NPAS3: variants seen among roughly 807,000 people sequenced by gnomAD.
NPAS3 encodes neuronal PAS domain protein 3.
In NPAS3, 14 loss-of-function variants were observed where a neutral mutation model predicts 73.1. The ratio of observed to expected loss-of-function variants is 0.19; its 90% CI spans 0.13 to 0.30. The LOEUF is 0.30. Among genes scored for constraint, NPAS3 ranks in the 10% least tolerant of loss-of-function variants. The pLI is 1.00. For synonymous variants in NPAS3, 620 were observed against 541.5 expected, an observed-to-expected ratio of 1.14 and a Z score of -2.01; for missense variants, 1,096 against 1,250.0, an observed-to-expected ratio of 0.88 and a Z score of 1.86.
At chr14:33,641,329 C>T (rs1355645861) in intron 5 of NPAS3, among the ~76,000 whole-genome samples, 1 of 152,110 alleles carries the variant, frequency 6.6e-6, no homozygotes, top group Non-Finnish European at 1.5e-5. Context: ...CATTGCTTTA[C>T]TTCTAGTTGA....
At chr14:33,488,760 C>T (rs1314000020) in intron 4 of NPAS3, among the ~76,000 whole-genome samples, 1 of 152,120 alleles carries the variant, frequency 6.6e-6, no homozygotes, top group Admixed American at 6.5e-5. Context: ...TGGCACAGTT[C>T]TGGGTGTGCA....
chr14:33,563,537 C>CACACACAGAGAGAGAGAG lies in NPAS3; in HGVS notation c.558+3328_558+3329insCACACAGAGAGAGAGAGA. 2.1e-4 allele frequency among the ~76,000 whole-genome samples: 25 copies of CACACACAGAGAGAGAGAG among 119,648 alleles called. 2 individuals carry two copies. Among genetic ancestry groups the CACACACAGAGAGAGAGAG allele is most frequent in the African/African-American group, 3.7e-5 (1 of 26,710 alleles). 78.5% of individuals were successfully genotyped at this position (119,648 alleles called of 152,430 possible). ...ATACATACACACACACACACACACA[C>CACACACAGAGAGAGAGAG]AGAGAGAGAGAGAGAGAGAGAGAGA... On this transcript the variant is annotated intron_variant, in intron 5 of 11. Coordinates refer to ENST00000356141, the Ensembl canonical transcript of NPAS3.
chr14:33,212,555 A>G, intron 2 of NPAS3, among the ~76,000 whole-genome samples: 1 of 152,190 alleles, frequency 6.6e-6, no homozygotes, highest in East Asian at 1.9e-4. Flanking sequence ...ATCCAAAGAC[A>G]TTAGTGTCTG....
chr14:33,799,759 C>T lies in NPAS3; in HGVS notation c.1452C>T (p.Asp484=), dbSNP rs778705946. The T allele has an allele frequency of 3.8e-6, 6 of 1,587,480 alleles. No individual in the cohort carries two copies. In the African/African-American group the frequency reaches 4.0e-5, roughly 11 times the overall value. The stretch of plus-strand genomic sequence containing the variant: ...AGGACAACGAGAACTCCAAGTCCGA[C>T]GAGAAGGGGAACCAGTCCGAGAACA... The change falls in exon 12 of 12, where the codon GAC becomes GAT. Residue 484 remains aspartate (D), a synonymous_variant. Transcript: ENST00000356141.
At chr14:33,237,137 A>G (rs1400488320) in intron 3 of NPAS3, among the ~76,000 whole-genome samples, 1 of 152,130 alleles carries the variant, frequency 6.6e-6, no homozygotes, top group Non-Finnish European at 1.5e-5. Flanking sequence ...CCGTGGATAC[A>G]TAGGTATGTG....
At chr14:33,265,920 TTATA>T (rs1236846830) in intron 3 of NPAS3, among the ~76,000 whole-genome samples, 6 of 151,682 alleles carry the variant, frequency 4.0e-5, no homozygotes, top group Non-Finnish European at 8.8e-5. Flanking sequence ...TAATATATAT[TTATA>T]TAAGAAGTAG....
chr14:33,504,799 T>C (rs539514173), intron 4 of NPAS3, among the ~76,000 whole-genome samples: 1 of 152,136 alleles, frequency 6.6e-6, no homozygotes, highest in South Asian at 2.1e-4. Context: ...ACAAGTAAAT[T>C]GGCAATTACA....
At position 33,798,044 on chromosome 14, in the gene NPAS3, G is replaced by A. The variant is rs1208764499; in HGVS notation, c.1426+463G>A. Among the ~76,000 whole-genome samples, 4 of 151,778 alleles carry A rather than the reference G, an allele frequency of 2.6e-5. No homozygotes were observed. In the South Asian group the frequency reaches 6.3e-4, roughly 24 times the overall value. On this transcript the variant is annotated intron_variant, in intron 11 of 11. Transcript: ENST00000356141. ...TGCTCTAACCTCATAGCTAGCTCTC[G>A]GCCTCTACTAAAGGCAGGTACTAGG...
At chr14:33,132,691 A>AT (rs1484120692) in intron 2 of NPAS3, among the ~76,000 whole-genome samples, 1 of 152,102 alleles carries the variant, frequency 6.6e-6, no homozygotes, top group East Asian at 1.9e-4. Context: ...GTTGATAGTA[A>AT]ATGTCTTGTG....
chr14:33,449,756 T>A (rs906459940), intron 4 of NPAS3, among the ~76,000 whole-genome samples: 1 of 152,226 alleles, frequency 6.6e-6, no homozygotes, highest in Non-Finnish European at 1.5e-5. Flanking sequence ...TACCCTCTTT[T>A]ATTCCCCCCC....
chr14:33,394,686 T>A (rs1324969519), intron 4 of NPAS3, among the ~76,000 whole-genome samples: 1 of 152,208 alleles, frequency 6.6e-6, no homozygotes, highest in Non-Finnish European at 1.5e-5. Context: ...AAATGCTGTT[T>A]TCCCAGACCA....
chr14:33,622,027 C>T (rs77662631), intron 5 of NPAS3, among the ~76,000 whole-genome samples: 2,341 of 152,178 alleles, frequency 0.015, 21 homozygotes, highest in Non-Finnish European at 0.024. Flanking sequence ...CTCTGAAAGG[C>T]GCAATGAATG....
chr14:33,575,408 C>A (rs991654856), intron 5 of NPAS3, among the ~76,000 whole-genome samples: 1 of 152,118 alleles, frequency 6.6e-6, no homozygotes, highest in African/African-American at 2.4e-5. Flanking sequence ...TTCCATGACC[C>A]TTAAATCACC....
Position 33,330,201 on chromosome 14 carries a change from C to T in NPAS3, c.386-36985C>T, listed in dbSNP as rs183242246. 6.4e-4 allele frequency among the ~76,000 whole-genome samples: 97 copies of T among 152,228 alleles called. 1 individual carries two copies. The highest frequency in any genetic ancestry group is 2.2e-3 in the African/African-American group (90 of 41,536). The stretch of plus-strand genomic sequence containing the variant: ...GAAGCTGCAGTGAGCCAAGATCACG[C>T]CACTGCACTCCAGCCTGGGTGACAG... On this transcript the variant is annotated intron_variant, in intron 3 of 11. Coordinates refer to ENST00000356141, the Ensembl canonical transcript of NPAS3.
chr14:33,181,141 G>C (rs1256204063), intron 2 of NPAS3, among the ~76,000 whole-genome samples: 5 of 152,288 alleles, frequency 3.3e-5, no homozygotes, highest in African/African-American at 1.2e-4. Flanking sequence ...AAACTGGACA[G>C]CTGGGGAACC....
Position 33,166,131 on chromosome 14 carries a change from T to C in NPAS3, c.141-49051T>C, listed in dbSNP as rs186855544. Among the ~76,000 whole-genome samples the C allele has an allele frequency of 5.5e-3, 845 of 152,286 alleles. 3 individuals are homozygous for C. The highest frequency in any genetic ancestry group is 0.019 in the African/African-American group (783 of 41,574). The stretch of plus-strand genomic sequence containing the variant: ...AGACCGGCCTCATAGGCCTGCGACC[T>C]GTGACTCACAGAAGCCTCCCCCTCA... On this transcript the variant is annotated intron_variant, in intron 2 of 11. Transcript: ENST00000356141.
intron 2 of NPAS3, among the ~76,000 whole-genome samples, chr14:33,091,233 A>G (rs2042214430): frequency 6.6e-6 from 1 of 152,220 alleles, no homozygotes; most frequent in African/African-American, 2.4e-5. Flanking sequence ...CAAAATTGAT[A>G]GACTGCCAGC....
chr14:33,757,299 G>A (rs7160364), intron 7 of NPAS3, among the ~76,000 whole-genome samples: 8,693 of 152,194 alleles, frequency 0.057, 804 homozygotes, highest in African/African-American at 0.2. Context: ...TTTTCAAGGC[G>A]TTTTTAAATG....
chr14:33,083,489 A>C (rs1377608019), intron 2 of NPAS3, among the ~76,000 whole-genome samples: 1 of 152,180 alleles, frequency 6.6e-6, no homozygotes, highest in Non-Finnish European at 1.5e-5. Context: ...TTAACCTGCC[A>C]TAAGTTTACT....
Sources: gnomAD v4.1 joint callset for allele counts (sites outside exome capture counted in the v4.1 genomes callset) on GRCh38, gnomAD v4.1.1 for gene constraint, MANE v1.5 for transcripts, NCBI Gene and HGNC (gene_info 2026-07-23, HGNC 2026-07-21) for gene names.